PSD2: variants seen among roughly 807,000 people sequenced by gnomAD.
The protein encoded by PSD2 is pleckstrin and Sec7 domain containing 2.
A neutral mutation model predicts 69.8 loss-of-function variants in PSD2; 38 were observed. The observed-to-expected ratio is 0.54, with a 90% CI of 0.42 to 0.71. The LOEUF is 0.71. Among genes scored for constraint, PSD2 ranks in the 30% least tolerant of loss-of-function variants. The pLI is 0.00. For synonymous variants in PSD2, 412 were observed against 423.0 expected (o/e 0.97, Z 0.32); for missense variants, 943 against 1,014.5 (o/e 0.93, Z 0.96).
At chr5:139,757,124 G>C in the PSD2 span, among the ~76,000 whole-genome samples, 3 of 152,198 alleles carry the variant, frequency 2.0e-5, no homozygotes, top group African/African-American at 7.2e-5. Flanking sequence ...TCTCCTGGGA[G>C]GTCCCCTAGC....
chr5:139,830,626 C>CTCTTTCTTTCCTTCTT (rs1760568280), intron 7 of PSD2, among the ~76,000 whole-genome samples: 1 of 97,662 alleles, frequency 1.0e-5, no homozygotes, highest in African/African-American at 5.3e-5. Flanking sequence ...TTCTTTCTTT[C>CTCTTTCTTTCCTTCTT]TCTTTCTTTC....
At chr5:139,760,281 T>C in the PSD2 span, among the ~76,000 whole-genome samples, 1 of 152,238 alleles carries the variant, frequency 6.6e-6, no homozygotes, top group African/African-American at 2.4e-5. Flanking sequence ...CCTCTGGTAG[T>C]TGATGGAACC....
Position 139,822,080 on chromosome 5 carries a change from C to T in PSD2, c.1210+75C>T. 8 of 921,234 alleles carry T rather than the reference C, an allele frequency of 8.7e-6. No homozygotes were observed. The South Asian group carries it at 1.3e-4, about 15-fold the overall frequency. 57.1% of individuals were successfully genotyped at this position (921,234 alleles called of 1,614,324 possible). On this transcript the variant is annotated intron_variant, in intron 6 of 14. Transcript: ENST00000274710. ...GCCCTGGTCCCCTCCCATCCTGGTC[C>T]ACCTGGCACTTCGGTCCTGTTGCCA...
the PSD2 span, among the ~76,000 whole-genome samples, chr5:139,773,805 C>T: frequency 6.6e-6 from 1 of 152,120 alleles, no homozygotes; most frequent in East Asian, 1.9e-4. Context: ...TCTTCGAGTT[C>T]TTGTTTCAAT....
the PSD2 span, among the ~76,000 whole-genome samples, chr5:139,759,631 G>A: frequency 2.6e-5 from 4 of 152,152 alleles, no homozygotes; most frequent in Admixed American, 2.0e-4. Flanking sequence ...ATTAATCACG[G>A]GCCGTGGCGG....
At chr5:139,756,474 G>T in the PSD2 span, among the ~76,000 whole-genome samples, 1 of 152,222 alleles carries the variant, frequency 6.6e-6, no homozygotes, top group Non-Finnish European at 1.5e-5. Context: ...TCAGAAGGTT[G>T]CTTGGGGTGA....
At chr5:139,830,128 T>A (rs1218996833) in intron 7 of PSD2, among the ~76,000 whole-genome samples, 1 of 152,076 alleles carries the variant, frequency 6.6e-6, no homozygotes, top group Non-Finnish European at 1.5e-5. Flanking sequence ...TTAGTGATGT[T>A]GAGCATTTTT....
the PSD2 span, among the ~76,000 whole-genome samples, chr5:139,754,826 G>C: frequency 6.6e-6 from 1 of 152,182 alleles, no homozygotes; most frequent in Admixed American, 6.5e-5. Flanking sequence ...GCAGTGAGCT[G>C]TGATTGCATC....
rs1030055562 is a variant in PSD2, at chr5:139,843,634, G to A, written c.*1160G>A. ...CCTTAATTCTTGGTTGTGGGAAAAG[G>A]TGGAATGACAAGTTATTGATTGTTT... On this transcript the variant is annotated 3_prime_UTR_variant, in exon 15 of 15. Coordinates refer to ENST00000274710, the MANE Select transcript of PSD2 (RefSeq NM_032289.4). The A allele has an allele frequency of 2.6e-5, 4 of 152,260 alleles. No homozygotes were observed. Among genetic ancestry groups the A allele is most frequent in the Non-Finnish European group, 5.9e-5 (4 of 68,056 alleles). 9.4% of individuals were successfully genotyped at this position (152,260 alleles called of 1,614,324 possible).
At chr5:139,754,842 A>G in the PSD2 span, among the ~76,000 whole-genome samples, 14 of 152,228 alleles carry the variant, frequency 9.2e-5, no homozygotes, top group Admixed American at 6.5e-4. Context: ...GCATCACTGC[A>G]TTCCAGCTTG....
chr5:139,746,351 G>C, the PSD2 span: 1 of 152,228 alleles, frequency 6.6e-6, no homozygotes, highest in African/African-American at 2.4e-5. This position sits in a 1 kb window ranked among gnomAD's most constrained non-coding sequence, Gnocchi z 4.5. Context: ...TTCACGCCCT[G>C]AACGAAACTT....
chr5:139,778,915 C>T, the PSD2 span, among the ~76,000 whole-genome samples: 31 of 133,618 alleles, frequency 2.3e-4, no homozygotes, highest in Admixed American at 3.5e-4. Context: ...GGTGACAGAG[C>T]GAGCCAATGT....
chr5:139,840,065 G>A lies in PSD2; in HGVS notation c.2007G>A (p.Gln669=). The part of the protein sequence containing the change: ...QLRSHENKLR[Q]LTAELAEHRC... ...GGTCTCATGAGAATAAGTTGAGGCA[G>A]CTGACTGCGGAGCTGGCCGAACACA... The change falls in exon 14 of 15, where the codon CAG becomes CAA. Residue 669 remains glutamine, a synonymous_variant. Coordinates refer to ENST00000274710, the MANE Select transcript of PSD2 (RefSeq NM_032289.4). The A allele has an allele frequency of 6.2e-7, 1 of 1,614,224 alleles. No individual in the cohort carries two copies. The highest frequency in any genetic ancestry group is 1.3e-5 in the African/African-American group (1 of 75,058).
the PSD2 span, among the ~76,000 whole-genome samples, chr5:139,790,297 T>C: frequency 5.9e-5 from 9 of 152,040 alleles, no homozygotes; most frequent in African/African-American, 1.7e-4. Flanking sequence ...AAGATGGAAC[T>C]GCTCTTTGGA....
intron 1 of PSD2, among the ~76,000 whole-genome samples, chr5:139,804,696 C>G (rs548572891): frequency 6.6e-6 from 1 of 152,356 alleles, no homozygotes; most frequent in South Asian, 2.1e-4. Context: ...ACAATTTTCT[C>G]TGATCCCAGT....
chr5:139,832,306 C>A (rs1045159814), intron 7 of PSD2, among the ~76,000 whole-genome samples: 1 of 152,050 alleles, frequency 6.6e-6, no homozygotes, highest in Non-Finnish European at 1.5e-5. Flanking sequence ...TCTATACACA[C>A]ATATATATGT....
At chr5:139,828,929 G>A (rs755326272) in intron 7 of PSD2, among the ~76,000 whole-genome samples, 24 of 151,384 alleles carry the variant, frequency 1.6e-4, no homozygotes, top group Non-Finnish European at 2.8e-4. Flanking sequence ...GGTTGGACCC[G>A]CTGTGACTTT....
Position 139,842,361 on chromosome 5 carries a change from A to T in PSD2, c.2203A>T (p.Thr735Ser). Residue 735 changes from threonine (T) to serine (S), a missense_variant, in exon 15 of 15, where the codon ACT (threonine) becomes TCT (serine). Coordinates refer to ENST00000274710, the MANE Select transcript of PSD2 (RefSeq NM_032289.4). ...GGAGCGGATTGAGGCCCGGCTGGCC[A>T]CTCTGGAAGGGGATGACCCTTCTCT... Reference protein sequence around the residue: ...DLERIEARLATLEGDDPSLRK... With the variant: ...DLERIEARLASLEGDDPSLRK... 6.2e-7 allele frequency: 1 copy of T among 1,614,178 alleles called. No homozygotes were observed. The highest frequency in any genetic ancestry group is 8.5e-7 in the Non-Finnish European group (1 of 1,180,042).
In PSD2 at chr5:139,821,921, G is replaced by A. The variant is rs1028725739; in HGVS notation, c.1126G>A (p.Gly376Arg). Residue 376 changes from glycine (G) to arginine (R), a missense_variant, in exon 6 of 15, where the codon GGG becomes AGG. Coordinates refer to ENST00000274710, the MANE Select transcript of PSD2 (RefSeq NM_032289.4). ...ATTCTTGAAGGCCTTCCCGCTGATG[G>A]GGGAGACACAAGAGCGTGAGCGGGT... ...RTFLKAFPLM[G>R]ETQERERVLT... 63 of 1,609,218 alleles carry A rather than the reference G, an allele frequency of 3.9e-5. No homozygotes were observed. The highest frequency in any genetic ancestry group is 5.4e-5 in the Non-Finnish European group (63 of 1,177,420).
Sources: gnomAD v4.1 joint callset for allele counts (sites outside exome capture counted in the v4.1 genomes callset) on GRCh38, gnomAD v4.1.1 for gene constraint, Gnocchi (gnomAD v3.1) non-coding constraint, MANE v1.5 for transcripts, NCBI Gene and HGNC (gene_info 2026-07-23, HGNC 2026-07-21) for gene names.